TBC1D9: variants seen among roughly 807,000 people sequenced by gnomAD.
The protein encoded by TBC1D9 is TBC1 domain family member 9.
Under a neutral mutation model 132.0 loss-of-function variants are expected in TBC1D9, and 63 were observed. The observed-to-expected ratio is 0.48, with a 90% CI of 0.39 to 0.59. TBC1D9 has a LOEUF of 0.59. Ranked by LOEUF, TBC1D9 falls within the 20% of genes least tolerant of loss-of-function variation. TBC1D9 has a pLI of 0.00. For synonymous variants in TBC1D9, 610 were observed against 609.9 expected, an observed-to-expected ratio of 1.00 and a Z score of 0.00; for missense variants, 1,261 against 1,592.7, an observed-to-expected ratio of 0.79 and a Z score of 3.54.
chr4:140,678,951 G>A lies in TBC1D9; in HGVS notation c.842C>T (p.Ala281Val). Reference sequence around the variant, plus strand: ...GGTCTCTATCACCCACCGTTTTAGAGCAGACACTTTTTTAGGAGATTTCCT... The same window carrying A: ...GGTCTCTATCACCCACCGTTTTAGAACAGACACTTTTTTAGGAGATTTCCT... ...LKRKSPKKVS[A>V]LKRDLDARAK... The change falls in exon 5 of 21, where the codon GCT (alanine) becomes GTT (valine). Residue 281 changes from alanine (A) to valine (V), a missense_variant. Ala to Val is a moderately conservative substitution (Grantham distance 64). Around this residue, in one of 3 missense-constraint regions of TBC1D9, gnomAD observed 550 missense variants for 699.0 expected, o/e 0.79. Coordinates refer to ENST00000442267, the MANE Select transcript of TBC1D9 (RefSeq NM_015130.3). 6.2e-7 allele frequency: 1 copy of A among 1,613,846 alleles called. No homozygotes were observed. The highest frequency in any genetic ancestry group is 8.5e-7 in the Non-Finnish European group (1 of 1,179,782).
chr4:140,719,371 C>A (rs1010566524), intron 1 of TBC1D9, among the ~76,000 whole-genome samples: 7 of 152,068 alleles, frequency 4.6e-5, no homozygotes, highest in Non-Finnish European at 8.8e-5. Context: ...TGTAATCTAA[C>A]TAGGATTTTT....
intron 16 of TBC1D9, among the ~76,000 whole-genome samples, chr4:140,632,346 G>A (rs2115990): frequency 0.24 from 35,971 of 151,344 alleles, 5,908 homozygotes; most frequent in African/African-American, 0.47. Flanking sequence ...TTAGCATAGC[G>A]TCAAAGGGGT....
At chr4:140,699,288 C>A (rs1738026685) in intron 2 of TBC1D9, among the ~76,000 whole-genome samples, 1 of 152,104 alleles carries the variant, frequency 6.6e-6, no homozygotes, top group Non-Finnish European at 1.5e-5. Flanking sequence ...ATAGTCTACC[C>A]TAAAGGAGAG....
intron 1 of TBC1D9, among the ~76,000 whole-genome samples, chr4:140,734,087 G>A (rs901037292): frequency 6.6e-6 from 1 of 152,024 alleles, no homozygotes; most frequent in Non-Finnish European, 1.5e-5. Flanking sequence ...TACTGCCATT[G>A]CCACGGATCC....
At chr4:140,728,326 A>C (rs1389218759) in intron 1 of TBC1D9, among the ~76,000 whole-genome samples, 1 of 152,146 alleles carries the variant, frequency 6.6e-6, no homozygotes, top group African/African-American at 2.4e-5. Flanking sequence ...AATCCAATGA[A>C]AGGGGAAAAT....
intron 2 of TBC1D9, 24 bp from the exon 3 acceptor site, chr4:140,686,486 C>G (rs1159155152): frequency 7.1e-7 from 1 of 1,414,334 alleles, no homozygotes; most frequent in Non-Finnish European, 9.9e-7. Context: ...AATAATAATT[C>G]ATGTCAGATT....
chr4:140,654,921 T>C (rs1247953990), intron 13 of TBC1D9, among the ~76,000 whole-genome samples: 1 of 152,128 alleles, frequency 6.6e-6, no homozygotes, highest in Non-Finnish European at 1.5e-5. Context: ...TAGAATGCTA[T>C]ATAATACTGA....
chr4:140,698,799 G>T (rs1738018079), intron 2 of TBC1D9, among the ~76,000 whole-genome samples: 1 of 152,128 alleles, frequency 6.6e-6, no homozygotes, highest in Non-Finnish European at 1.5e-5. Context: ...CTAAATCCTT[G>T]AAGGAGAATT....
At chr4:140,645,913 C>T (rs558851915) in intron 13 of TBC1D9, among the ~76,000 whole-genome samples, 42 of 152,356 alleles carry the variant, frequency 2.8e-4, no homozygotes, top group Non-Finnish European at 4.6e-4. Flanking sequence ...TGTCATCTCA[C>T]CAGAACAATA....
At chr4:140,755,784 C>A in intron 1 of TBC1D9, 132 bp downstream of exon 1, 2 of 1,309,724 alleles carry the variant, frequency 1.5e-6, no homozygotes, top group Non-Finnish European at 2.0e-6. Context: ...CGATGCCTCG[C>A]ATACAACGAG....
In TBC1D9 at chr4:140,738,467, C is replaced by T. The variant is rs1192523512; in HGVS notation, c.130+17449G>A. Among the ~76,000 whole-genome samples, 4 of 152,212 alleles carry T rather than the reference C, an allele frequency of 2.6e-5. No individual in the cohort carries two copies. In the East Asian group the frequency reaches 7.7e-4, roughly 29 times the overall value. ...CCTACCTCTCTCTCCCTTTTTACTC[C>T]CCTCCTTCTTGCTCTTTCCCCTTTA... On this transcript the variant is annotated intron_variant, in intron 1 of 20. Transcript: ENST00000442267.
chr4:140,740,871 G>A (rs1738748440), intron 1 of TBC1D9, among the ~76,000 whole-genome samples: 1 of 152,214 alleles, frequency 6.6e-6, no homozygotes, highest in South Asian at 2.1e-4. Context: ...GATTTCCTGA[G>A]TGGATCTCAC....
Position 140,729,818 on chromosome 4 carries a change from CAAAAAAAAAAAAA to C in TBC1D9, c.130+26085_130+26097del, listed in dbSNP as rs35283552. Among the ~76,000 whole-genome samples, 123 of 51,918 alleles carry C rather than the reference CAAAAAAAAAAAAA, an allele frequency of 2.4e-3. 1 individual carries two copies. Among genetic ancestry groups the C allele is most frequent in the South Asian group, 0.018 (13 of 732 alleles). 34.1% of individuals were successfully genotyped at this position (51,918 alleles called of 152,430 possible). The stretch of plus-strand genomic sequence containing the variant: ...CTGGTGACAGAGCAAGATTCCATCT[CAAAAAAAAAAAAA>C]AAAAAAAAAAAAAATCCCCTTGAGT... On this transcript the variant is annotated intron_variant, in intron 1 of 20. Transcript: ENST00000442267.
intron 16 of TBC1D9, among the ~76,000 whole-genome samples, chr4:140,633,671 A>G (rs1009992809): frequency 7.9e-5 from 12 of 151,982 alleles, no homozygotes; most frequent in African/African-American, 2.9e-4. Context: ...CAACCCAAAC[A>G]TTTGTCTCTT....
At chr4:140,624,572 A>C (rs1451571511) in intron 18 of TBC1D9, among the ~76,000 whole-genome samples, 184 bp from the exon 19 acceptor site, 2 of 152,228 alleles carry the variant, frequency 1.3e-5, no homozygotes, top group African/African-American at 4.8e-5. Context: ...TCAGATAAAC[A>C]ACAATTTTTG....
At chr4:140,705,040 T>A (rs911565869) in intron 1 of TBC1D9, among the ~76,000 whole-genome samples, 1 of 152,216 alleles carries the variant, frequency 6.6e-6, no homozygotes, top group African/African-American at 2.4e-5. Flanking sequence ...AATGAGAGAA[T>A]TTCTGTGAAA....
At chr4:140,721,272 A>G (rs578177842) in intron 1 of TBC1D9, among the ~76,000 whole-genome samples, 1 of 152,348 alleles carries the variant, frequency 6.6e-6, no homozygotes, top group Admixed American at 6.5e-5. Flanking sequence ...TTGAAACAAC[A>G]ATCAAATATC....
At chr4:140,724,539 T>C (rs1196008341) in intron 1 of TBC1D9, among the ~76,000 whole-genome samples, 3 of 152,042 alleles carry the variant, frequency 2.0e-5, no homozygotes, top group Admixed American at 2.0e-4. Context: ...GCTTTCTAAC[T>C]GTGACTCACA....
intron 13 of TBC1D9, chr4:140,642,245 G>A: frequency 2.8e-6 from 2 of 718,662 alleles, no homozygotes; most frequent in Non-Finnish European, 5.0e-6. Flanking sequence ...CTTCCTCTGA[G>A]TCTGTATTGT....
Sources: gnomAD v4.1 joint callset for allele counts (sites outside exome capture counted in the v4.1 genomes callset) on GRCh38, gnomAD v4.1.1 for gene constraint, gnomAD v4.1.1 regional missense constraint, MANE v1.5 for transcripts, NCBI Gene and HGNC (gene_info 2026-07-23, HGNC 2026-07-21) for gene names.